The following TRDN variants were observed in gnomAD, a reference collection of about 807,000 sequenced individuals.
The protein encoded by TRDN is triadin in skeletal muscle.
A neutral mutation model predicts 149.7 loss-of-function variants in TRDN; 161 were observed. That is an observed-to-expected ratio of 1.08 (90% confidence interval 0.95 to 1.23). The LOEUF is 1.23. Ranked by LOEUF, TRDN falls within the 50% of genes most tolerant of loss-of-function variation. The pLI, the probability that TRDN is intolerant of heterozygous loss-of-function variation, is 0.00. For synonymous variants in TRDN, 294 were observed against 250.5 expected (o/e 1.17, Z -1.64); for missense variants, 896 against 823.5 (o/e 1.09, Z -1.08).
intron 21 of TRDN, chr6:123,350,869 C>A: frequency 3.1e-6 from 3 of 983,318 alleles, no homozygotes; most frequent in Non-Finnish European, 3.6e-6. Flanking sequence ...TTTTAGTAAA[C>A]AAAATTATAA....
chr6:123,516,204 T>G lies in TRDN; in HGVS notation c.487A>C (p.Thr163Pro). Residue 163 changes from threonine to proline, a missense_variant and splice_region_variant, in exon 6 of 41, where the codon ACA becomes CCA. By Grantham distance (38) the Thr-to-Pro change is conservative (BLOSUM62 -1). Coordinates refer to ENST00000334268, the MANE Select transcript of TRDN (RefSeq NM_006073.4). ...KPERKIQTKV[T>P]HKEKEKGKEK... ...TTTCCTTTTTCTTTTTCTTTGTGTG[T>G]AACTGAAAAGAAACAGATAAATAGT... 2 of 1,484,298 alleles carry G rather than the reference T, an allele frequency of 1.3e-6. No individual in the cohort carries two copies. The highest frequency in any genetic ancestry group is 1.8e-6 in the Non-Finnish European group (2 of 1,105,904). 91.9% of individuals were successfully genotyped at this position (1,484,298 alleles called of 1,614,324 possible). A position where few individuals can be genotyped will look rare whatever the true frequency, so the allele number is the denominator to read the frequency against.
At chr6:123,317,207 A>C (rs554071133) in intron 23 of TRDN, among the ~76,000 whole-genome samples, 58 of 151,856 alleles carry the variant, frequency 3.8e-4, no homozygotes, top group Non-Finnish European at 7.4e-5. Flanking sequence ...TTTCCAGTCT[A>C]TCCTTTTATC....
At chr6:123,277,598 A>G (rs1197304701) in intron 26 of TRDN, among the ~76,000 whole-genome samples, 3 of 152,156 alleles carry the variant, frequency 2.0e-5, no homozygotes, top group African/African-American at 4.8e-5. Context: ...GAAGGTTTCC[A>G]TGTGATGATG....
chr6:123,290,581 CT>C (rs1554220820), intron 24 of TRDN, among the ~76,000 whole-genome samples: 1 of 152,054 alleles, frequency 6.6e-6, no homozygotes, highest in Non-Finnish European at 1.5e-5. Flanking sequence ...CTAGATAAAA[CT>C]GTTAAAAGTG....
chr6:123,421,316 T>G (rs1205578624), intron 12 of TRDN, among the ~76,000 whole-genome samples: 1 of 152,172 alleles, frequency 6.6e-6, no homozygotes, highest in Non-Finnish European at 1.5e-5. Flanking sequence ...TTTCTCTTGG[T>G]CTCTTGCCTT....
intron 14 of TRDN, 114 bp downstream of exon 14, chr6:123,388,408 T>C (rs1158043865): frequency 5.8e-6 from 7 of 1,209,756 alleles, no homozygotes; most frequent in South Asian, 3.9e-5. Context: ...TGTATGCACA[T>C]AATAGATCCA....
At chr6:123,233,289 T>C (rs1775675946) in intron 38 of TRDN, among the ~76,000 whole-genome samples, 1 of 152,098 alleles carries the variant, frequency 6.6e-6, no homozygotes, top group African/African-American at 2.4e-5. Flanking sequence ...ATATGTGCTA[T>C]TATTTAAAGT....
At chr6:123,536,778 G>A (rs1780565248) in intron 4 of TRDN, among the ~76,000 whole-genome samples, 1 of 151,888 alleles carries the variant, frequency 6.6e-6, no homozygotes, top group Non-Finnish European at 1.5e-5. Flanking sequence ...CAGCTACTTG[G>A]GAGGCTGAGA....
At chr6:123,345,368 T>C (rs945209533) in intron 21 of TRDN, among the ~76,000 whole-genome samples, 1 of 152,030 alleles carries the variant, frequency 6.6e-6, no homozygotes, top group Non-Finnish European at 1.5e-5. Context: ...CAGCTGATTA[T>C]ATTTTTGTGA....
rs553779294 is a variant in TRDN at position 123,586,355 on chromosome 6, T to C, written c.23-15223A>G. ...CTCGGCCTGGCGAGGAGGGGAGAGG[T>C]CAGATGTGTCTGTAGAAAAGGAAGA... On this transcript the variant is annotated intron_variant, in intron 1 of 40. Transcript: ENST00000334268. Among the ~76,000 whole-genome samples the C allele has an allele frequency of 1.4e-3, 217 of 151,042 alleles. 2 individuals carry two copies. Among genetic ancestry groups the C allele is most frequent in the African/African-American group, 4.9e-3 (201 of 41,124 alleles).
At chr6:123,591,544 T>C (rs999524035) in intron 1 of TRDN, among the ~76,000 whole-genome samples, 1 of 152,088 alleles carries the variant, frequency 6.6e-6, no homozygotes, top group African/African-American at 2.4e-5. Flanking sequence ...CCATGTCCAG[T>C]CCCAAATCTT....
At chr6:123,462,953 G>C (rs1184223944) in intron 10 of TRDN, 2 of 152,184 alleles carry the variant, frequency 1.3e-5, no homozygotes, top group African/African-American at 2.4e-5. Flanking sequence ...AGCTTTCAGA[G>C]AAGACACTGA....
intron 1 of TRDN, among the ~76,000 whole-genome samples, chr6:123,586,401 T>C (rs1156324686): frequency 6.6e-6 from 1 of 151,872 alleles, no homozygotes; most frequent in Non-Finnish European, 1.5e-5. Flanking sequence ...TCAGTGATGC[T>C]TGGGGTTGGG....
intron 12 of TRDN, among the ~76,000 whole-genome samples, chr6:123,399,902 ATT>A (rs1463255179): frequency 1.8e-4 from 27 of 152,084 alleles, no homozygotes; most frequent in Admixed American, 1.8e-3. Flanking sequence ...AATTGGAATG[ATT>A]TCCTTAGGAG....
intron 38 of TRDN, among the ~76,000 whole-genome samples, chr6:123,232,375 A>C (rs968401811): frequency 6.6e-6 from 1 of 151,994 alleles, no homozygotes; most frequent in Non-Finnish European, 1.5e-5. Flanking sequence ...GAGGTTAGCT[A>C]TTTGGGGAGA....
Position 123,220,157 on chromosome 6 carries a change from G to A in TRDN, c.2050+1330C>T, listed in dbSNP as rs1303999236. Among the ~76,000 whole-genome samples the A allele has an allele frequency of 5.9e-5, 9 of 151,732 alleles. No homozygotes were observed. The South Asian group carries it at 6.2e-4, about 10-fold the overall frequency. On this transcript the variant is annotated intron_variant, in intron 40 of 40. Transcript: ENST00000334268. ...ACACCATTTTACTAAAAGTATTTGC[G>A]TTTTGTTTTTAATTAAAATTTTTAC... is the stretch of plus-strand genomic sequence containing the variant.
intron 1 of TRDN, among the ~76,000 whole-genome samples, chr6:123,624,884 T>C (rs1178326662): frequency 1.3e-5 from 2 of 152,086 alleles, no homozygotes; most frequent in Non-Finnish European, 2.9e-5. Flanking sequence ...ATAATAACTG[T>C]TAAAAACGAA....
chr6:123,558,951 C>T (rs1363335115), intron 2 of TRDN, among the ~76,000 whole-genome samples: 1 of 152,248 alleles, frequency 6.6e-6, no homozygotes, highest in South Asian at 2.1e-4. Flanking sequence ...AACAAATGCC[C>T]ATAGCCCAGG....
intron 10 of TRDN, among the ~76,000 whole-genome samples, chr6:123,442,639 T>A (rs1022305633): frequency 1.3e-5 from 2 of 151,400 alleles, no homozygotes; most frequent in African/African-American, 4.8e-5. Flanking sequence ...ACAGAGTAGA[T>A]GTAGAAAAAT....
Sources: gnomAD v4.1 joint callset for allele counts (sites outside exome capture counted in the v4.1 genomes callset) on GRCh38, gnomAD v4.1.1 for gene constraint, MANE v1.5 for transcripts, NCBI Gene and HGNC (gene_info 2026-07-23, HGNC 2026-07-21) for gene names.